Variants in WDR43 observed in about 807,000 individuals in gnomAD.
WDR43 encodes WD repeat domain 43.
In WDR43, 13 loss-of-function variants were observed where a neutral mutation model predicts 91.4. The observed-to-expected ratio is 0.14, with a 90% confidence interval of 0.09 to 0.23. WDR43 has a LOEUF of 0.23. Ranked by LOEUF, WDR43 falls within the 10% of genes least tolerant of loss-of-function variation. The pLI is 1.00. For synonymous variants in WDR43, 331 were observed against 287.9 expected (o/e 1.15, Z -1.51); for missense variants, 780 against 809.4 (o/e 0.96, Z 0.44).
intron 16 of WDR43, among the ~76,000 whole-genome samples, chr2:28,945,213 G>A (rs1399781485): frequency 2.0e-5 from 3 of 151,994 alleles, no homozygotes; most frequent in Non-Finnish European, 4.4e-5. Context: ...AAAGTAGATA[G>A]AAGAAGAATG....
intron 11 of WDR43, 107 bp downstream of exon 11, chr2:28,929,817 G>T: frequency 8.4e-7 from 1 of 1,193,604 alleles, no homozygotes; most frequent in South Asian, 1.5e-5. Flanking sequence ...AGAGCCATTT[G>T]GAATGTAATG....
At chr2:28,912,266 A>T (rs1670817170) in intron 3 of WDR43, among the ~76,000 whole-genome samples, 2 of 152,208 alleles carry the variant, frequency 1.3e-5, no homozygotes, top group South Asian at 4.1e-4. Flanking sequence ...CGCAAAGTTC[A>T]TCTCCTGGGT....
chr2:28,943,767 C>G (rs888321451), intron 16 of WDR43, among the ~76,000 whole-genome samples: 6 of 152,066 alleles, frequency 3.9e-5, no homozygotes, highest in Non-Finnish European at 7.4e-5. Flanking sequence ...AAAAATTTTA[C>G]CATTATCACA....
chr2:28,912,947 ATTTTTTT>A (rs35646381), intron 4 of WDR43, among the ~76,000 whole-genome samples: 2 of 100,960 alleles, frequency 2.0e-5, no homozygotes, highest in Admixed American at 2.4e-4. Context: ...AAGAAACAAG[ATTTTTTT>A]TTTTTTTTTT....
intron 3 of WDR43, among the ~76,000 whole-genome samples, chr2:28,907,614 A>G (rs1053101917): frequency 1.4e-5 from 2 of 144,432 alleles, no homozygotes; most frequent in African/African-American, 5.1e-5. Context: ...CGCTGTCTCA[A>G]AAAAAAAAAG....
At position 28,928,863 on chromosome 2, in the gene WDR43, CAG is replaced by C. The variant is rs1490945196; in HGVS notation, c.1306-713_1306-712del. On this transcript the variant is annotated intron_variant, in intron 10 of 17. Transcript: ENST00000407426. ...TGCCTGGCTAATTTTTTTATAGAGA[CAG>C]AGTTTTGCCATGTTGCCCAGGCTGG... 5.3e-5 allele frequency among the ~76,000 whole-genome samples: 8 copies of C among 151,830 alleles called. No individual in the cohort carries two copies. The East Asian group carries it at 1.6e-3, about 29-fold the overall frequency.
chr2:28,938,047 G>A lies in WDR43; in HGVS notation c.1620+53G>A. ...GTATGAATAGTTTGGCTTTGATAAGGATTGTAAACTTTGACAAGTATGGCT... is the reference window on the plus strand; with the variant it reads ...GTATGAATAGTTTGGCTTTGATAAGAATTGTAAACTTTGACAAGTATGGCT... On this transcript the variant is annotated intron_variant, in intron 14 of 17. Transcript: ENST00000407426. 1.9e-6 allele frequency: 3 copies of A among 1,588,722 alleles called. No homozygotes were observed. The Admixed American group carries it at 5.1e-5, about 27-fold the overall frequency.
intron 11 of WDR43, among the ~76,000 whole-genome samples, chr2:28,931,262 A>G (rs1671237291): frequency 6.6e-6 from 1 of 151,906 alleles, no homozygotes; most frequent in Non-Finnish European, 1.5e-5. Flanking sequence ...TTGTATTTTT[A>G]GTAGAGATGG....
intron 14 of WDR43, among the ~76,000 whole-genome samples, chr2:28,940,111 C>CAA (rs369746530): frequency 0.1 from 10,729 of 102,916 alleles, 1,084 homozygotes; most frequent in East Asian, 0.32. Context: ...GACTCCGTCT[C>CAA]AAAAAAAAAA....
chr2:28,895,087 C>T, intron 1 of WDR43, 164 bp downstream of exon 1: 1 of 639,750 alleles, frequency 1.6e-6, no homozygotes, highest in East Asian at 3.8e-5. Context: ...GCCAGCCCCG[C>T]GTGCGGCCTG....
intron 5 of WDR43, among the ~76,000 whole-genome samples, chr2:28,915,982 A>G (rs1670900903): frequency 2.0e-5 from 3 of 152,212 alleles, no homozygotes; most frequent in Non-Finnish European, 1.5e-5. Context: ...TTTGTTAAGT[A>G]TTATTTTTTA....
intron 16 of WDR43, among the ~76,000 whole-genome samples, chr2:28,943,331 CTT>C (rs1671484267): frequency 6.6e-6 from 1 of 152,088 alleles, no homozygotes; most frequent in Non-Finnish European, 1.5e-5. Context: ...GATGAGGTCT[CTT>C]TGTTGCCCAA....
At chr2:28,903,802 T>C (rs1670623068) in intron 2 of WDR43, among the ~76,000 whole-genome samples, 1 of 152,140 alleles carries the variant, frequency 6.6e-6, no homozygotes, top group Non-Finnish European at 1.5e-5. Flanking sequence ...TGCTGGAGCC[T>C]AGAAGACTTA....
chr2:28,912,315 T>A (rs766846212), intron 3 of WDR43, among the ~76,000 whole-genome samples: 28 of 152,118 alleles, frequency 1.8e-4, no homozygotes, highest in Non-Finnish European at 3.2e-4. Context: ...TTCTTATCAC[T>A]CTCACTCACT....
At chr2:28,921,374 C>T (rs1671022835) in intron 6 of WDR43, among the ~76,000 whole-genome samples, 2 of 152,050 alleles carry the variant, frequency 1.3e-5, no homozygotes, top group Non-Finnish European at 2.9e-5. Context: ...GATCGGCCTG[C>T]CTCGGCCTCC....
chr2:28,894,724 G>A lies in WDR43; in HGVS notation c.26G>A (p.Cys9Tyr), dbSNP rs1670436591. ...ATGGCGGCGGGCGGCGGCGGTAGCTGCGACCCCCTGGCCCCTGCTGGGGTC... is the reference window on the plus strand; with the variant it reads ...ATGGCGGCGGGCGGCGGCGGTAGCTACGACCCCCTGGCCCCTGCTGGGGTC... MAAGGGGSCDPLAPAGVPC... is the reference protein window; with the variant it reads MAAGGGGSYDPLAPAGVPC... Residue 9 changes from cysteine to tyrosine, a missense_variant, in exon 1 of 18, where the codon TGC becomes TAC. This residue lies in a region of WDR43 where 175 missense variants were observed against 113.8 expected (regional missense o/e 1.54). Transcript: ENST00000407426. 2 of 1,571,664 alleles carry A rather than the reference G, an allele frequency of 1.3e-6. No individual in the cohort carries two copies.
intron 14 of WDR43, among the ~76,000 whole-genome samples, chr2:28,938,656 T>C (rs1454114150): frequency 6.6e-6 from 1 of 152,236 alleles, no homozygotes; most frequent in Admixed American, 6.5e-5. Context: ...TTCTTTAAAA[T>C]GTAGCTCTTC....
chr2:28,920,425 G>T (rs1373751032), intron 6 of WDR43, among the ~76,000 whole-genome samples: 1 of 151,078 alleles, frequency 6.6e-6, no homozygotes, highest in Non-Finnish European at 1.5e-5. Flanking sequence ...ATGGGGTTTT[G>T]CCATGTTGGG....
At chr2:28,942,557 G>A (rs1671459090) in intron 16 of WDR43, among the ~76,000 whole-genome samples, 176 bp downstream of exon 16, 1 of 151,492 alleles carries the variant, frequency 6.6e-6, no homozygotes, top group African/African-American at 2.4e-5. Flanking sequence ...GAAAAGAAAA[G>A]GCACAAGTAT....
Sources: gnomAD v4.1 joint callset for allele counts (sites outside exome capture counted in the v4.1 genomes callset) on GRCh38, gnomAD v4.1.1 for gene constraint, gnomAD v4.1.1 regional missense constraint, MANE v1.5 for transcripts, NCBI Gene and HGNC (gene_info 2026-07-23, HGNC 2026-07-21) for gene names.